The following CLVS1 variants were observed in gnomAD, a reference collection of about 807,000 sequenced individuals.
The protein encoded by CLVS1 is clavesin 1.
Under a neutral mutation model 33.1 loss-of-function variants are expected in CLVS1, and 10 were observed. That is an observed-to-expected ratio of 0.30 (90% confidence interval 0.19 to 0.51). The LOEUF (loss-of-function observed/expected upper bound fraction) is 0.51. Ranked by LOEUF, CLVS1 falls within the 20% of genes least tolerant of loss-of-function variation. CLVS1 has a pLI of 0.97. For synonymous variants in CLVS1, 163 were observed against 166.1 expected (o/e 0.98, Z 0.14); for missense variants, 343 against 433.4 (o/e 0.79, Z 1.85).
chr8:61,311,801 C>A lies in CLVS1; in HGVS notation c.455+11519C>A, dbSNP rs553335215. ...AAGTCCAAGGGCCTAAGAATAACTT[C>A]TTCCTTCTCAAAGCAAGTCCCAGTG... On this transcript the variant is annotated intron_variant, in intron 2 of 5. Coordinates refer to ENST00000325897, the MANE Select transcript of CLVS1 (RefSeq NM_173519.3). Among the ~76,000 whole-genome samples, 7 of 152,326 alleles carry A rather than the reference C, an allele frequency of 4.6e-5. No homozygotes were observed. The East Asian group carries it at 1.3e-3, about 29-fold the overall frequency.
At chr8:61,491,868 A>T (rs1804100265) in intron 5 of CLVS1, among the ~76,000 whole-genome samples, 1 of 152,232 alleles carries the variant, frequency 6.6e-6, no homozygotes, top group African/African-American at 2.4e-5. Flanking sequence ...AAATGATAAC[A>T]GGTGAATGGA....
chr8:61,114,316 T>C (rs1805679818), intron 1 of CLVS1, among the ~76,000 whole-genome samples: 1 of 152,188 alleles, frequency 6.6e-6, no homozygotes, highest in South Asian at 2.1e-4. Flanking sequence ...GATATAAAAC[T>C]AAACAGCAAA....
intron 5 of CLVS1, chr8:61,465,588 G>A (rs987452685): frequency 6.6e-6 from 1 of 152,134 alleles, no homozygotes; most frequent in Non-Finnish European, 1.5e-5. Flanking sequence ...CTTTTGAGGT[G>A]TGTGGCATTC....
intron 2 of CLVS1, among the ~76,000 whole-genome samples, chr8:61,159,314 C>T (rs1322028411): frequency 6.6e-6 from 1 of 152,184 alleles, no homozygotes; most frequent in Non-Finnish European, 1.5e-5. Context: ...CTTAACCTAC[C>T]TCATCTGCCT....
intron 2 of CLVS1, among the ~76,000 whole-genome samples, chr8:61,320,628 C>T (rs942124177): frequency 6.6e-6 from 1 of 152,168 alleles, no homozygotes; most frequent in Non-Finnish European, 1.5e-5. Flanking sequence ...CTAACAGATT[C>T]AGTGTCTGGC....
At chr8:61,439,322 C>A (rs1195590003) in intron 3 of CLVS1, among the ~76,000 whole-genome samples, 1 of 152,180 alleles carries the variant, frequency 6.6e-6, no homozygotes, top group Non-Finnish European at 1.5e-5. Flanking sequence ...TTTGTACTAA[C>A]CATAATGTAT....
At chr8:61,017,042 C>T in the CLVS1 span, among the ~76,000 whole-genome samples, 21 of 152,260 alleles carry the variant, frequency 1.4e-4, no homozygotes, top group Middle Eastern at 3.4e-3. Context: ...AGATGGCAGC[C>T]GGTAAGGTAC....
At chr8:61,267,950 G>A (rs539974250) in intron 2 of CLVS1, among the ~76,000 whole-genome samples, 10 of 152,142 alleles carry the variant, frequency 6.6e-5, no homozygotes, top group Non-Finnish European at 1.3e-4. Context: ...TTGATGGATC[G>A]ATCAGAGGAG....
In CLVS1 at chr8:61,500,879, G is replaced by T. The variant is rs946776945; in HGVS notation, c.*1337G>T. The T allele has an allele frequency of 6.6e-6, 1 of 152,078 alleles. No individual in the cohort carries two copies. The highest frequency in any genetic ancestry group is 1.5e-5 in the Non-Finnish European group (1 of 68,004). The allele number at this position is 152,078 out of a possible 1,614,324, so 9.4% of individuals were successfully genotyped here. ...TGTTAGCTAAATAATTCAAGGGAAA[G>T]AGATTATTCAACTGGTCATAATCAC... is the stretch of plus-strand genomic sequence containing the variant. On this transcript the variant is annotated 3_prime_UTR_variant, in exon 6 of 6. Coordinates refer to ENST00000325897, the MANE Select transcript of CLVS1 (RefSeq NM_173519.3).
At chr8:60,979,853 G>A in the CLVS1 span, among the ~76,000 whole-genome samples, 1 of 152,172 alleles carries the variant, frequency 6.6e-6, no homozygotes, top group African/African-American at 2.4e-5. Flanking sequence ...AGAGGTGATT[G>A]TAGAACTCTT....
At chr8:61,134,303 G>A (rs1348761670) in intron 2 of CLVS1, among the ~76,000 whole-genome samples, 8 of 152,192 alleles carry the variant, frequency 5.3e-5, no homozygotes, top group South Asian at 4.1e-4. Flanking sequence ...GGTGCGCCTC[G>A]AAGCCTGAGC....
At chr8:61,327,827 C>T (rs1488470856) in intron 2 of CLVS1, among the ~76,000 whole-genome samples, 1 of 152,156 alleles carries the variant, frequency 6.6e-6, no homozygotes, top group African/African-American at 2.4e-5. Context: ...CTTCTCTATG[C>T]AACAGACTGT....
the CLVS1 span, among the ~76,000 whole-genome samples, chr8:60,983,778 A>G: frequency 6.6e-6 from 1 of 152,192 alleles, no homozygotes; most frequent in Admixed American, 6.5e-5. Context: ...AAATCCGTGG[A>G]AGCACAATGA....
intron 3 of CLVS1, among the ~76,000 whole-genome samples, chr8:61,436,591 A>G (rs780282486): frequency 1.1e-4 from 16 of 152,116 alleles, no homozygotes; most frequent in African/African-American, 3.9e-4. Flanking sequence ...CTAGTACACC[A>G]CATTTGTTCT....
chr8:61,280,964 T>C (rs1169983351), intron 2 of CLVS1, among the ~76,000 whole-genome samples: 1 of 152,164 alleles, frequency 6.6e-6, no homozygotes, highest in Non-Finnish European at 1.5e-5. Context: ...CACATCTTCA[T>C]AGTCTTTTTC....
intron 2 of CLVS1, among the ~76,000 whole-genome samples, chr8:61,270,191 A>C (rs1193251988): frequency 6.6e-6 from 1 of 152,190 alleles, no homozygotes; most frequent in East Asian, 1.9e-4. Flanking sequence ...ACGTCCCATC[A>C]GTACCTAATT....
the CLVS1 span, among the ~76,000 whole-genome samples, chr8:61,016,277 T>G: frequency 6.6e-6 from 1 of 152,238 alleles, no homozygotes; most frequent in Non-Finnish European, 1.5e-5. Context: ...ACTTCTGGTC[T>G]CAAGCATTTT....
the CLVS1 span, among the ~76,000 whole-genome samples, chr8:61,033,017 G>C: frequency 9.3e-6 from 1 of 107,442 alleles, no homozygotes; most frequent in Non-Finnish European, 2.0e-5. Context: ...AAGAAAGAAA[G>C]AAAGAAAGAA....
chr8:61,041,665 C>T, the CLVS1 span, among the ~76,000 whole-genome samples: 3 of 152,052 alleles, frequency 2.0e-5, no homozygotes, highest in South Asian at 2.1e-4. Flanking sequence ...ACTCTGTGCT[C>T]GCTTCGGCAG....
Sources: gnomAD v4.1 joint callset for allele counts (sites outside exome capture counted in the v4.1 genomes callset) on GRCh38, gnomAD v4.1.1 for gene constraint, MANE v1.5 for transcripts, NCBI Gene and HGNC (gene_info 2026-07-23, HGNC 2026-07-21) for gene names.